MPRIP: variants seen among roughly 807,000 people sequenced by gnomAD.
The protein encoded by MPRIP is myosin phosphatase Rho interacting protein, also known as myosin phosphatase Rho-interacting protein.
MPRIP carries 59 observed loss-of-function variants against 234.9 expected under a neutral mutation model. The observed-to-expected ratio is 0.25, with a 90% CI of 0.20 to 0.31. The LOEUF (loss-of-function observed/expected upper bound fraction) is 0.31. Ranked by LOEUF, MPRIP falls within the 10% of genes least tolerant of loss-of-function variation. The pLI is 1.00. For missense variants in MPRIP, 2,436 were observed against 3,071.0 expected, an observed-to-expected ratio of 0.79 and a Z score of 4.89; for synonymous variants, 1,144 against 1,263.9, an observed-to-expected ratio of 0.91 and a Z score of 2.01.
chr17:17,142,591 C>T, intron 7 of MPRIP, 36 bp from the exon 8 acceptor site: 1 of 1,606,396 alleles, frequency 6.2e-7, no homozygotes, highest in Non-Finnish European at 8.5e-7. Flanking sequence ...CAGCTCACCT[C>T]ACTGCCACCT....
chr17:17,149,487 C>T lies in MPRIP; in HGVS notation c.1630-657C>T, dbSNP rs796114615. Among the ~76,000 whole-genome samples, 20 of 145,986 alleles carry T rather than the reference C, an allele frequency of 1.4e-4. 1 individual carries two copies. Among genetic ancestry groups the T allele is most frequent in the African/African-American group, 1.8e-4 (7 of 39,904 alleles). On this transcript the variant is annotated intron_variant, in intron 11 of 23. Transcript: ENST00000651222. ...CAGCCTGAGTGACAGAGCAAGACCC[C>T]ATCTCAAAAAAAAAAAAAACTTCCG...
intron 9 of MPRIP, among the ~76,000 whole-genome samples, chr17:17,145,048 G>A (rs888738588): frequency 5.9e-5 from 9 of 152,132 alleles, no homozygotes; most frequent in African/African-American, 1.2e-4. Flanking sequence ...TAACTCTGGC[G>A]GCAAGGACAG....
In MPRIP at chr17:17,142,694, G is replaced by T. The variant is rs201947495; in HGVS notation, c.1318G>T (p.Ala440Ser). 6.3e-5 allele frequency: 102 copies of T among 1,612,214 alleles called. No homozygotes were observed. Among genetic ancestry groups the T allele is most frequent in the Admixed American group, 3.8e-4 (23 of 60,006 alleles). ...IEKAEHMETN[A>S]VGPSPSSDTR... Reference sequence around the variant, plus strand: ...GAAGGCAGAGCACATGGAGACCAATGCAGTGGGGCCCTCACCATCCAGCGA... The same window carrying T: ...GAAGGCAGAGCACATGGAGACCAATTCAGTGGGGCCCTCACCATCCAGCGA... Residue 440 changes from alanine to serine, a missense_variant, in exon 8 of 24, where the codon GCA (alanine) becomes TCA (serine). By Grantham distance (99) the Ala-to-Ser change is moderately conservative. This residue lies in a region of MPRIP where 267 missense variants were observed against 252.7 expected (regional missense o/e 1.06). Coordinates refer to ENST00000651222, the MANE Select transcript of MPRIP (RefSeq NM_001364716.4).
chr17:17,055,866 A>T (rs1476593992), intron 1 of MPRIP, among the ~76,000 whole-genome samples: 1 of 152,212 alleles, frequency 6.6e-6, no homozygotes, highest in East Asian at 1.9e-4. Flanking sequence ...CATAGCTGAC[A>T]GGAATTGCCA....
At chr17:17,057,725 A>G (rs2088747537) in intron 1 of MPRIP, 2 of 717,654 alleles carry the variant, frequency 2.8e-6, no homozygotes, top group African/African-American at 1.7e-5. Flanking sequence ...GAGGAATGGC[A>G]TCAGCTATGA....
At chr17:17,134,304 C>T (rs923163347) in intron 5 of MPRIP, among the ~76,000 whole-genome samples, 4 of 152,164 alleles carry the variant, frequency 2.6e-5, no homozygotes, top group African/African-American at 7.2e-5. Flanking sequence ...GCGCTGCTGC[C>T]GGGGTGGGCA....
Position 17,166,375 on chromosome 17 carries a change from ATGAGAT to A in MPRIP, c.4786_4791del (p.Glu1596_Ile1597del), listed in dbSNP as rs1424499560. ...ACATCAGATGTCTCCCGAATGCTCCATGAGATTTCTTGGTCAGGACAGCCACCGATG... is the reference window on the plus strand; with the variant it reads ...ACATCAGATGTCTCCCGAATGCTCCATTCTTGGTCAGGACAGCCACCGATG... On this transcript the variant is annotated inframe_deletion, in exon 16 of 24. Coordinates refer to ENST00000651222, the MANE Select transcript of MPRIP (RefSeq NM_001364716.4). This position sits in a 1 kb window ranked among gnomAD's most constrained non-coding sequence, Gnocchi z 4.4. The A allele has an allele frequency of 1.1e-5, 14 of 1,304,454 alleles. No homozygotes were observed. The highest frequency in any genetic ancestry group is 1.2e-5 in the Non-Finnish European group (12 of 989,026). The allele number at this position is 1,304,454 out of a possible 1,614,324, so 80.8% of individuals were successfully genotyped here.
intron 1 of MPRIP, among the ~76,000 whole-genome samples, chr17:17,045,140 CTTAT>C (rs1484324709): frequency 1.3e-5 from 2 of 152,146 alleles, no homozygotes; most frequent in Non-Finnish European, 2.9e-5. Flanking sequence ...CAGCCTGGAG[CTTAT>C]TTTAGACCGT....
At position 17,165,443 on chromosome 17, in the gene MPRIP, T is replaced by C. The variant is rs1430956489; in HGVS notation, c.3852T>C (p.Ser1284=). ...AAGAGTACGGTGATGGCAGCCCCAGTAGGGAAGACAGCATGGTGCCCCCAA... is the reference window on the plus strand; with the variant it reads ...AAGAGTACGGTGATGGCAGCCCCAGCAGGGAAGACAGCATGGTGCCCCCAA... The part of the protein sequence containing the change: ...PGEEYGDGSP[S]REDSMVPPKS... The change falls in exon 16 of 24, where the codon AGT becomes AGC. Residue 1284 remains serine (S), a synonymous_variant. Transcript: ENST00000651222. 9 of 1,303,958 alleles carry C rather than the reference T, an allele frequency of 6.9e-6. No homozygotes were observed. The highest frequency in any genetic ancestry group is 1.5e-5 in the African/African-American group (1 of 65,818). 80.8% of individuals were successfully genotyped at this position (1,303,958 alleles called of 1,614,324 possible).
intron 3 of MPRIP, among the ~76,000 whole-genome samples, chr17:17,126,124 A>G (rs1194047545): frequency 6.6e-6 from 1 of 152,184 alleles, no homozygotes; most frequent in Admixed American, 6.5e-5. Context: ...TGCTGTAAGA[A>G]AAAAAGTTAC....
rs149907884 is a variant in MPRIP, at chr17:17,045,937, C to G, written c.123+2966C>G. On this transcript the variant is annotated intron_variant, in intron 1 of 23. Transcript: ENST00000651222. ...TCTTCTGCCTCAGCCTCCCGAGTAG[C>G]TGGGACTACAGGCACCCGCCACCAT... 2.8e-3 allele frequency among the ~76,000 whole-genome samples: 428 copies of G among 152,050 alleles called. 14 individuals are homozygous for G. Among genetic ancestry groups the G allele is most frequent in the Admixed American group, 0.026 (403 of 15,254 alleles).
chr17:17,088,661 T>C (rs977272747), intron 3 of MPRIP, among the ~76,000 whole-genome samples: 6 of 152,150 alleles, frequency 3.9e-5, no homozygotes, highest in Non-Finnish European at 8.8e-5. Context: ...AGGCTTCCCT[T>C]GCTCTGCCCC....
chr17:17,062,238 C>A (rs1207694631), intron 1 of MPRIP, among the ~76,000 whole-genome samples: 2 of 152,016 alleles, frequency 1.3e-5, no homozygotes, highest in East Asian at 3.9e-4. Flanking sequence ...CAAGATCTCC[C>A]CTATTGAAGC....
intron 8 of MPRIP, among the ~76,000 whole-genome samples, chr17:17,143,172 A>G (rs559666832): frequency 4.7e-4 from 72 of 152,226 alleles, no homozygotes; most frequent in Non-Finnish European, 7.5e-4. Flanking sequence ...GTAGCCGGCC[A>G]AGTCTAAGCT....
At position 17,166,654 on chromosome 17, in the gene MPRIP, A is replaced by G. The variant is rs1412393196; in HGVS notation, c.5063A>G (p.Gln1688Arg). ...AGGGAGTCGTTCCACCGCAGGCTAC[A>G]GAGCATCCAGGAGACCCTGCGGGGC... is the stretch of plus-strand genomic sequence containing the variant. ...SVRESFHRRL[Q>R]SIQETLRGTQ... The change falls in exon 16 of 24, where the codon CAG becomes CGG. Residue 1688 changes from glutamine to arginine, a missense_variant. By Grantham distance (43) the Gln-to-Arg change is conservative (BLOSUM62 1). This residue lies in a region of MPRIP where 1,998 missense variants were observed against 2,520.3 expected (regional missense o/e 0.79). Coordinates refer to ENST00000651222, the MANE Select transcript of MPRIP (RefSeq NM_001364716.4). The surrounding 1 kb of genome is among the most constrained non-coding windows in gnomAD (Gnocchi z 4.4). The G allele has an allele frequency of 1.5e-6, 2 of 1,304,020 alleles. No homozygotes were observed. Among genetic ancestry groups the G allele is most frequent in the South Asian group, 1.2e-5 (1 of 81,038 alleles). 80.8% of individuals were successfully genotyped at this position (1,304,020 alleles called of 1,614,324 possible).
chr17:17,104,687 T>TC (rs2090029655), intron 3 of MPRIP, among the ~76,000 whole-genome samples: 1 of 152,072 alleles, frequency 6.6e-6, no homozygotes, highest in Non-Finnish European at 1.5e-5. Context: ...GCTCCTTGCC[T>TC]CCCCCTCAGC....
chr17:17,166,036 G>A lies in MPRIP; in HGVS notation c.4445G>A (p.Cys1482Tyr), dbSNP rs1041407992. Residue 1482 changes from cysteine to tyrosine, a missense_variant, in exon 16 of 24, where the codon TGC becomes TAC. Around this residue, in one of 4 missense-constraint regions of MPRIP, gnomAD observed 1,998 missense variants for 2,520.3 expected, o/e 0.79. Coordinates refer to ENST00000651222, the MANE Select transcript of MPRIP (RefSeq NM_001364716.4). The surrounding 1 kb of genome is among the most constrained non-coding windows in gnomAD (Gnocchi z 4.4). ...NSQALMCLEN[C>Y]REQLRSLPRA... ...CAGGCCCTGATGTGCCTGGAAAATT[G>A]CCGAGAACAACTGAGATCTCTGCCT... 5 of 1,303,752 alleles carry A rather than the reference G, an allele frequency of 3.8e-6. No individual in the cohort carries two copies. The African/African-American group carries it at 7.6e-5, about 20-fold the overall frequency. The allele number at this position is 1,303,752 out of a possible 1,614,324, so 80.8% of individuals were successfully genotyped here. A position where few individuals can be genotyped will look rare whatever the true frequency, so the allele number is the denominator to read the frequency against.
In MPRIP at chr17:17,165,681, G is replaced by C. The variant is rs2045972013; in HGVS notation, c.4090G>C (p.Glu1364Gln). ...ACCCTCGGAAGAAAGCATGTCCTCA[G>C]AGCCTGCACCCAGTGTACTGCCTGC... The part of the protein sequence containing the change: ...RSPSEESMSS[E>Q]PAPSVLPATG... The change falls in exon 16 of 24, where the codon GAG becomes CAG. Residue 1364 changes from glutamate to glutamine, a missense_variant. Physicochemically the swap from Glu to Gln is conservative, Grantham distance 29. Around this residue, in one of 4 missense-constraint regions of MPRIP, gnomAD observed 1,998 missense variants for 2,520.3 expected, o/e 0.79. Coordinates refer to ENST00000651222, the MANE Select transcript of MPRIP (RefSeq NM_001364716.4). The C allele has an allele frequency of 7.7e-7, 1 of 1,304,986 alleles. No individual in the cohort carries two copies. The highest frequency in any genetic ancestry group is 2.3e-5 in the Admixed American group (1 of 43,558). 80.8% of individuals were successfully genotyped at this position (1,304,986 alleles called of 1,614,324 possible). A position where few individuals can be genotyped will look rare whatever the true frequency, so the allele number is the denominator to read the frequency against.
Position 17,067,661 on chromosome 17 carries a change from T to C in MPRIP, c.124-8049T>C, listed in dbSNP as rs557822548. On this transcript the variant is annotated intron_variant, in intron 1 of 23. Transcript: ENST00000651222. ...ACTGTGTATTAATGAGGAATATTAG[T>C]CCATAGTTCTTTATTTCATTTTTAA... 6.6e-5 allele frequency among the ~76,000 whole-genome samples: 10 copies of C among 152,316 alleles called. No homozygotes were observed. The South Asian group carries it at 2.1e-3, about 32-fold the overall frequency.
Sources: gnomAD v4.1 joint callset for allele counts (sites outside exome capture counted in the v4.1 genomes callset) on GRCh38, gnomAD v4.1.1 for gene constraint, gnomAD v4.1.1 regional missense constraint, Gnocchi (gnomAD v3.1) non-coding constraint, MANE v1.5 for transcripts, NCBI Gene and HGNC (gene_info 2026-07-23, HGNC 2026-07-21) for gene names.